Variants in ABI2 observed in about 807,000 individuals in gnomAD.
ABI2 encodes abelson interactor 2.
ABI2 carries 25 observed loss-of-function variants against 59.2 expected under a neutral mutation model. The observed-to-expected ratio is 0.42, with a 90% CI of 0.31 to 0.59. ABI2 has a LOEUF of 0.59. Among genes scored for constraint, ABI2 ranks in the 20% least tolerant of loss-of-function variants. The probability of loss-of-function intolerance (pLI) is 0.14; values close to 1 mark genes in which losing one functional copy is unlikely to be tolerated. For missense variants in ABI2, 545 were observed against 681.8 expected (o/e 0.80, Z 2.23); for synonymous variants, 213 against 235.5 (o/e 0.90, Z 0.87).
At chr2:203,342,921 A>G (rs1342258014) in intron 1 of ABI2, among the ~76,000 whole-genome samples, 1 of 152,220 alleles carries the variant, frequency 6.6e-6, no homozygotes, top group African/African-American at 2.4e-5. Flanking sequence ...CTAGTTTTTT[A>G]ATCATTCATG....
intron 1 of ABI2, among the ~76,000 whole-genome samples, chr2:203,332,054 C>A (rs1026547764): frequency 2.0e-5 from 3 of 151,758 alleles, no homozygotes; most frequent in Admixed American, 1.3e-4. Context: ...AGATGACCCA[C>A]CCACCTCGGC....
Position 203,338,528 on chromosome 2 carries a change from GCTC to G in ABI2, c.117+9899_117+9901del, listed in dbSNP as rs1176835784. Among the ~76,000 whole-genome samples the G allele has an allele frequency of 1.6e-4, 24 of 151,998 alleles. No homozygotes were observed. In the East Asian group the frequency reaches 4.7e-3, roughly 30 times the overall value. On this transcript the variant is annotated intron_variant, in intron 1 of 11. Transcript: ENST00000261018. ...AGCCCCCCCACCATGTGACATGCTG[GCTC>G]CACTTCTGCCATGATTACACCTCAC...
intron 2 of ABI2, among the ~76,000 whole-genome samples, chr2:203,374,054 G>A (rs2095507796): frequency 6.6e-6 from 1 of 152,120 alleles, no homozygotes; most frequent in Non-Finnish European, 1.5e-5. Flanking sequence ...AGCTACTCAG[G>A]AGGCTGAGGC....
chr2:203,430,224 A>T lies in ABI2; in HGVS notation c.*2872A>T, dbSNP rs2098472109. 1 of 152,102 alleles carries T rather than the reference A, an allele frequency of 6.6e-6. No homozygotes were observed. Among genetic ancestry groups the T allele is most frequent in the Non-Finnish European group, 1.5e-5 (1 of 68,020 alleles). 9.4% of individuals were successfully genotyped at this position (152,102 alleles called of 1,614,324 possible). A position where few individuals can be genotyped will look rare whatever the true frequency, so the allele number is the denominator to read the frequency against. ...TCCCTCTTTTTTTATAAATTAAAAG[A>T]TGGTTGGTATTAGGAATTTCAAATG... On this transcript the variant is annotated 3_prime_UTR_variant, in exon 12 of 12. Coordinates refer to ENST00000261018, the MANE Select transcript of ABI2 (RefSeq NM_001375670.1).
intron 1 of ABI2, among the ~76,000 whole-genome samples, chr2:203,336,814 A>C (rs898831465): frequency 6.6e-6 from 1 of 152,140 alleles, no homozygotes; most frequent in Non-Finnish European, 1.5e-5. Flanking sequence ...ATAAATATCT[A>C]ATAGTGGGAT....
In ABI2 at chr2:203,373,481, C is replaced by T. The variant is rs902490979; in HGVS notation, c.285+6437C>T. Among the ~76,000 whole-genome samples the T allele has an allele frequency of 6.0e-5, 9 of 150,074 alleles. No homozygotes were observed. The South Asian group carries it at 6.3e-4, about 11-fold the overall frequency. ...AGAGAGGGAGAGGGAGACCATGGGC[C>T]GTGGGGAGAGGGAGAGGGAGAGGGA... On this transcript the variant is annotated intron_variant, in intron 2 of 11. Coordinates refer to ENST00000261018, the MANE Select transcript of ABI2 (RefSeq NM_001375670.1).
intron 1 of ABI2, among the ~76,000 whole-genome samples, chr2:203,350,784 C>T (rs535922815): frequency 9.1e-4 from 139 of 151,958 alleles, no homozygotes; most frequent in Middle Eastern, 3.4e-3. Flanking sequence ...ATGATCCACC[C>T]GCCTCGGCCT....
At chr2:203,371,850 T>C (rs2095234387) in intron 2 of ABI2, among the ~76,000 whole-genome samples, 1 of 152,100 alleles carries the variant, frequency 6.6e-6, no homozygotes, top group South Asian at 2.1e-4. Flanking sequence ...TAATAAAAAG[T>C]TTGCAAAACA....
chr2:203,415,565 C>T (rs901126620), intron 10 of ABI2, among the ~76,000 whole-genome samples: 13 of 135,768 alleles, frequency 9.6e-5, no homozygotes, highest in South Asian at 9.1e-4. Flanking sequence ...TGCAATGAGC[C>T]GAGATCACAC....
At position 203,396,827 on chromosome 2, in the gene ABI2, C is replaced by G. The variant is rs2097013859; in HGVS notation, c.893C>G (p.Ser298Cys). The stretch of plus-strand genomic sequence containing the variant: ...GGCACTCCTCCCCTTCCTGCTACTT[C>G]TGCATCTGCCCCTGCTCCTCTTGTT... ...SAGTPPLPATSASAPAPLVPA... is the reference protein window; with the variant it reads ...SAGTPPLPATCASAPAPLVPA... The change falls in exon 8 of 12, where the codon TCT (serine) becomes TGT (cysteine). Residue 298 changes from serine to cysteine, a missense_variant. Coordinates refer to ENST00000261018, the MANE Select transcript of ABI2 (RefSeq NM_001375670.1). 5 of 1,534,914 alleles carry G rather than the reference C, an allele frequency of 3.3e-6. No homozygotes were observed. The East Asian group carries it at 1.2e-4, about 38-fold the overall frequency.
intron 8 of ABI2, among the ~76,000 whole-genome samples, chr2:203,401,945 T>C (rs1329773067): frequency 1.3e-5 from 2 of 152,212 alleles, no homozygotes; most frequent in Non-Finnish European, 2.9e-5. Flanking sequence ...GGCTGTATTT[T>C]GGGGGTGGAG....
chr2:203,408,837 T>C (rs79371502), intron 9 of ABI2, among the ~76,000 whole-genome samples: 6 of 79,692 alleles, frequency 7.5e-5, no homozygotes, highest in Admixed American at 1.4e-4. Flanking sequence ...TCCTTTCTTT[T>C]TTTTTTTTTT....
chr2:203,354,643 C>A (rs2090933205), intron 1 of ABI2, among the ~76,000 whole-genome samples: 1 of 152,142 alleles, frequency 6.6e-6, no homozygotes, highest in Non-Finnish European at 1.5e-5. Flanking sequence ...ACAATAATAG[C>A]CAGCATATTA....
chr2:203,388,319 A>T (rs534972514), intron 4 of ABI2, among the ~76,000 whole-genome samples: 79 of 152,168 alleles, frequency 5.2e-4, no homozygotes, highest in Admixed American at 3.9e-4. Context: ...TAGTCATCCA[A>T]TCCCATTAAC....
chr2:203,331,639 C>T (rs1324345470), intron 1 of ABI2, among the ~76,000 whole-genome samples: 6 of 151,904 alleles, frequency 3.9e-5, no homozygotes, highest in Non-Finnish European at 7.4e-5. Flanking sequence ...GGATTACAGG[C>T]GTGAGCCACC....
chr2:203,410,113 T>G (rs1269967808), intron 9 of ABI2, among the ~76,000 whole-genome samples: 1 of 152,232 alleles, frequency 6.6e-6, no homozygotes, highest in Non-Finnish European at 1.5e-5. Flanking sequence ...TCAACCCCTG[T>G]CAGCTTGGCA....
At position 203,392,305 on chromosome 2, in the gene ABI2, CCACCACCACCAA is replaced by C. The variant is rs1273430532; in HGVS notation, c.578+1165_578+1176del. On this transcript the variant is annotated intron_variant, in intron 5 of 11. Transcript: ENST00000261018. ...ACCACCACCACCACCACCACCACCA[CCACCACCACCAA>C]CAACAACAACAACAACAACAACAAC... Among the ~76,000 whole-genome samples the C allele has an allele frequency of 6.3e-3, 617 of 97,960 alleles. 9 individuals are homozygous for C. The highest frequency in any genetic ancestry group is 0.022 in the African/African-American group (581 of 26,346). The allele number at this position is 97,960 out of a possible 152,430, so 64.3% of individuals were successfully genotyped here. A position where few individuals can be genotyped will look rare whatever the true frequency, so the allele number is the denominator to read the frequency against.
At chr2:203,391,663 AT>A (rs1668659993) in intron 5 of ABI2, among the ~76,000 whole-genome samples, 1 of 151,958 alleles carries the variant, frequency 6.6e-6, no homozygotes, top group South Asian at 2.1e-4. Flanking sequence ...TCTACGAAAA[AT>A]ACAAAAATAA....
intron 1 of ABI2, among the ~76,000 whole-genome samples, chr2:203,331,348 CTTTTTTTT>C (rs201209202): frequency 1.2e-5 from 1 of 85,302 alleles, no homozygotes; most frequent in Admixed American, 1.8e-4. Flanking sequence ...TCAATTTAGC[CTTTTTTTT>C]TTTTTTTTTT....
Sources: allele counts gnomAD v4.1 joint callset (sites outside exome capture counted in the v4.1 genomes callset), GRCh38; gene constraint gnomAD v4.1.1; transcripts MANE v1.5; gene names NCBI Gene and HGNC (gene_info 2026-07-23, HGNC 2026-07-21).